Variants in TMCC1 observed in about 807,000 individuals in gnomAD.
The protein encoded by TMCC1 is transmembrane and coiled-coil domains protein 1.
Under a neutral mutation model 52.4 loss-of-function variants are expected in TMCC1, and 15 were observed. That is an observed-to-expected ratio of 0.29 (90% CI 0.19 to 0.44). TMCC1 has a LOEUF of 0.44. Ranked by LOEUF, TMCC1 falls within the 20% of genes least tolerant of loss-of-function variation. TMCC1 has a pLI of 1.00. For synonymous variants in TMCC1, 279 were observed against 301.9 expected (o/e 0.92, Z 0.79); for missense variants, 503 against 806.0 (o/e 0.62, Z 4.55).
intron 1 of TMCC1, among the ~76,000 whole-genome samples, chr3:129,890,228 C>G (rs1378285154): frequency 1.3e-5 from 2 of 152,214 alleles, no homozygotes; most frequent in African/African-American, 4.8e-5. Flanking sequence ...TGTGGCAGAA[C>G]TAACAGAGTT....
chr3:129,886,361 T>G (rs1438303147), intron 1 of TMCC1, among the ~76,000 whole-genome samples: 3 of 152,204 alleles, frequency 2.0e-5, no homozygotes, highest in Admixed American at 2.0e-4. Context: ...TGGAAAACTT[T>G]CTACTTTATA....
At chr3:129,672,664 A>C (rs1318821710) in intron 4 of TMCC1, among the ~76,000 whole-genome samples, 1 of 152,130 alleles carries the variant, frequency 6.6e-6, no homozygotes, top group Non-Finnish European at 1.5e-5. Flanking sequence ...ATGAGTAATA[A>C]AATAACCTTC....
At chr3:129,712,533 G>A (rs1576544588) in intron 4 of TMCC1, among the ~76,000 whole-genome samples, 1 of 152,070 alleles carries the variant, frequency 6.6e-6, no homozygotes, top group Non-Finnish European at 1.5e-5. Flanking sequence ...TTGCAGCTTC[G>A]ACCCTCTGGG....
intron 4 of TMCC1, among the ~76,000 whole-genome samples, chr3:129,744,407 C>A (rs897598159): frequency 6.6e-6 from 1 of 152,128 alleles, no homozygotes; most frequent in Non-Finnish European, 1.5e-5. Flanking sequence ...CCTAACTCAG[C>A]GTCCGAAAGC....
intron 4 of TMCC1, among the ~76,000 whole-genome samples, chr3:129,791,124 C>T (rs1024917513): frequency 7.0e-6 from 1 of 143,326 alleles, no homozygotes; most frequent in Non-Finnish European, 1.5e-5. Flanking sequence ...GACGGAGTCT[C>T]CCTCTGTCGC....
intron 4 of TMCC1, among the ~76,000 whole-genome samples, chr3:129,779,673 A>C (rs902666212): frequency 6.6e-6 from 1 of 152,186 alleles, no homozygotes; most frequent in Non-Finnish European, 1.5e-5. Context: ...AAATATTATG[A>C]AGACATATCT....
At chr3:129,671,665 C>G (rs958642763) in intron 4 of TMCC1, among the ~76,000 whole-genome samples, 2 of 152,016 alleles carry the variant, frequency 1.3e-5, no homozygotes, top group African/African-American at 2.4e-5. Flanking sequence ...ATATGAAAAC[C>G]CTTTTGGTGT....
chr3:129,671,434 C>G (rs918751730), intron 4 of TMCC1, among the ~76,000 whole-genome samples, 170 bp from the exon 5 acceptor site: 2 of 152,314 alleles, frequency 1.3e-5, no homozygotes. Flanking sequence ...ATACTGCCCT[C>G]ATACAAGTAT....
At chr3:129,884,117 ATT>A (rs958830860) in intron 1 of TMCC1, among the ~76,000 whole-genome samples, 3 of 152,190 alleles carry the variant, frequency 2.0e-5, no homozygotes, top group African/African-American at 7.2e-5. Flanking sequence ...AAAAGGATTC[ATT>A]GTCAGCAAAT....
intron 5 of TMCC1, among the ~76,000 whole-genome samples, chr3:129,661,401 G>A (rs1259018557): frequency 6.6e-6 from 1 of 152,148 alleles, no homozygotes; most frequent in Non-Finnish European, 1.5e-5. Context: ...CCTCCAGTCT[G>A]GGTGACAGAG....
At position 129,680,353 on chromosome 3, in the gene TMCC1, T is replaced by C. The variant is rs1205058841; in HGVS notation, c.577-9089A>G. ...GGTACAAATCTAAATGCTTTGCTTA[T>C]ATTAACTTGGTTAATCCTCAAAACA... On this transcript the variant is annotated intron_variant, in intron 4 of 6. Coordinates refer to ENST00000393238, the MANE Select transcript of TMCC1 (RefSeq NM_001017395.5). 2.6e-5 allele frequency among the ~76,000 whole-genome samples: 4 copies of C among 152,366 alleles called. No homozygotes were observed. In the South Asian group the frequency reaches 8.3e-4, roughly 32 times the overall value.
At chr3:129,861,979 TAAAC>T (rs2060418811) in intron 2 of TMCC1, among the ~76,000 whole-genome samples, 2 of 152,118 alleles carry the variant, frequency 1.3e-5, no homozygotes, top group Admixed American at 1.3e-4. Context: ...GATGAAAAGA[TAAAC>T]AAAACATGCT....
rs561176805 is a variant in TMCC1, at chr3:129,849,512, C to T, written c.-183-16686G>A. On this transcript the variant is annotated intron_variant, in intron 2 of 6. Coordinates refer to ENST00000393238, the MANE Select transcript of TMCC1 (RefSeq NM_001017395.5). ...AGGCACGGTGGCTCACGCCTGTAAC[C>T]CCAGCACTTCGGGAGGCTGAGGAGG... 4.1e-5 allele frequency among the ~76,000 whole-genome samples: 6 copies of T among 147,970 alleles called. No homozygotes were observed. In the South Asian group the frequency reaches 1.1e-3, roughly 26 times the overall value.
Position 129,740,374 on chromosome 3 carries a change from C to T in TMCC1, c.577-69110G>A, listed in dbSNP as rs151207408. On this transcript the variant is annotated intron_variant, in intron 4 of 6. Transcript: ENST00000393238. ...GAGAAGCATGTCCACTGCTTGATAA[C>T]TTAGTAGCACAAGTAAAGCTTAAAC... 2.4e-3 allele frequency among the ~76,000 whole-genome samples: 370 copies of T among 152,298 alleles called. 3 individuals are homozygous for T. The highest frequency in any genetic ancestry group is 8.2e-3 in the African/African-American group (341 of 41,574).
chr3:129,732,954 T>C (rs2050660431), intron 4 of TMCC1, among the ~76,000 whole-genome samples: 1 of 152,232 alleles, frequency 6.6e-6, no homozygotes, highest in African/African-American at 2.4e-5. Flanking sequence ...TCCACATTAA[T>C]GTCCACTTAG....
intron 4 of TMCC1, among the ~76,000 whole-genome samples, chr3:129,782,639 T>G (rs906373536): frequency 5.9e-5 from 9 of 152,182 alleles, no homozygotes; most frequent in African/African-American, 2.2e-4. Context: ...ACTCCTTTTT[T>G]GACTCTTACA....
Position 129,843,592 on chromosome 3 carries a change from T to C in TMCC1, c.-183-10766A>G, listed in dbSNP as rs1251380888. ...TGTTAAAAAAGAATAATAAAAGATA[T>C]TACGAACACCTCTATGACCCTAAAT... On this transcript the variant is annotated intron_variant, in intron 2 of 6. Coordinates refer to ENST00000393238, the MANE Select transcript of TMCC1 (RefSeq NM_001017395.5). Among the ~76,000 whole-genome samples the C allele has an allele frequency of 3.3e-5, 5 of 152,038 alleles. No individual in the cohort carries two copies. In the East Asian group the frequency reaches 9.7e-4, roughly 29 times the overall value.
intron 4 of TMCC1, among the ~76,000 whole-genome samples, chr3:129,760,419 T>TGTGG (rs2053439546): frequency 6.7e-6 from 1 of 149,468 alleles, no homozygotes; most frequent in African/African-American, 2.4e-5. Context: ...TGTGTGTGTG[T>TGTGG]GTGTGTGTGT....
chr3:129,751,901 T>C (rs2052563545), intron 4 of TMCC1, among the ~76,000 whole-genome samples: 1 of 152,192 alleles, frequency 6.6e-6, no homozygotes, highest in Non-Finnish European at 1.5e-5. Flanking sequence ...TACTGAATTA[T>C]CTGTAGGACT....
Sources: allele counts gnomAD v4.1 joint callset (sites outside exome capture counted in the v4.1 genomes callset), GRCh38; gene constraint gnomAD v4.1.1; transcripts MANE v1.5; gene names NCBI Gene and HGNC (gene_info 2026-07-23, HGNC 2026-07-21).